The following ADCY7 variants were observed in gnomAD, a reference collection of about 807,000 sequenced individuals.
The protein encoded by ADCY7 is adenylate cyclase type 7.
In ADCY7, 72 loss-of-function variants were observed where a neutral mutation model predicts 120.6. The observed-to-expected ratio is 0.60, with a 90% CI of 0.49 to 0.73. ADCY7 has a LOEUF of 0.73. Among genes scored for constraint, ADCY7 ranks in the 30% least tolerant of loss-of-function variants. ADCY7 has a pLI of 0.00. For synonymous variants in ADCY7, 661 were observed against 628.0 expected (o/e 1.05, Z -0.78); for missense variants, 1,227 against 1,486.0 (o/e 0.83, Z 2.87).
intron 1 of ADCY7, among the ~76,000 whole-genome samples, chr16:50,287,643 G>C (rs1026507257): frequency 1.3e-5 from 2 of 148,198 alleles, no homozygotes; most frequent in African/African-American, 5.0e-5. Flanking sequence ...TCGTGCCACT[G>C]CACTCCAGCC....
At chr16:50,299,142 G>T in intron 8 of ADCY7, 111 bp downstream of exon 8, 1 of 1,391,190 alleles carries the variant, frequency 7.2e-7, no homozygotes, top group East Asian at 2.6e-5. Context: ...GAGGCTCGGG[G>T]GGTTGGGGGT....
At chr16:50,292,417 C>A (rs2035045578) in intron 4 of ADCY7, among the ~76,000 whole-genome samples, 2 of 152,236 alleles carry the variant, frequency 1.3e-5, no homozygotes, top group South Asian at 4.1e-4. Context: ...AGCACGCATG[C>A]CCCTCGGGCC....
At chr16:50,311,553 C>A in intron 19 of ADCY7, 140 bp from the exon 20 acceptor site, 1 of 704,234 alleles carries the variant, frequency 1.4e-6, no homozygotes, top group South Asian at 1.6e-5. Flanking sequence ...TATAATACCC[C>A]AAAGTTGTCT....
intron 24 of ADCY7, 75 bp downstream of exon 24, chr16:50,314,481 G>A (rs1238233735): frequency 1.9e-6 from 2 of 1,073,110 alleles, no homozygotes; most frequent in Non-Finnish European, 1.4e-6. Context: ...TGGCACAGCT[G>A]CACCTCGCCA....
chr16:50,310,740 G>T lies in ADCY7; in HGVS notation c.2214G>T (p.Arg738Ser), dbSNP rs1237561967. 1 of 1,614,162 alleles carries T rather than the reference G, an allele frequency of 6.2e-7. No homozygotes were observed. Among genetic ancestry groups the T allele is most frequent in the Non-Finnish European group, 8.5e-7 (1 of 1,180,018 alleles). ...LGFIACSVFL[R>S]MSLEPKVVLL... ...TCATCGCCTGCTCGGTCTTCCTGAG[G>T]ATGAGCCTGGAGCCAAAGGTTGTGC... is the stretch of plus-strand genomic sequence containing the variant. Residue 738 changes from arginine to serine, a missense_variant, in exon 19 of 26, where the codon AGG (arginine) becomes AGT (serine). This residue lies in a region of ADCY7 where 267 missense variants were observed against 270.0 expected (regional missense o/e 0.99). Coordinates refer to ENST00000673801, the MANE Select transcript of ADCY7 (RefSeq NM_001114.5).
chr16:50,281,808 AGGT>A (rs2034284002), intron 1 of ADCY7, among the ~76,000 whole-genome samples: 1 of 152,162 alleles, frequency 6.6e-6, no homozygotes, highest in African/African-American at 2.4e-5. Flanking sequence ...GGGGCCTCTT[AGGT>A]CAGGCTTGCA....
chr16:50,313,333 T>C (rs1482242204), intron 22 of ADCY7: 1 of 299,430 alleles, frequency 3.3e-6, no homozygotes, highest in Non-Finnish European at 6.5e-6. Context: ...GGCAGGAGAA[T>C]CGCTTGAACC....
chr16:50,262,793 C>T (rs2033094415), upstream of ADCY7, among the ~76,000 whole-genome samples: 2 of 152,192 alleles, frequency 1.3e-5, no homozygotes, highest in Non-Finnish European at 2.9e-5. Context: ...TGGGGTTGTG[C>T]TGTGTGCCCT....
At chr16:50,311,254 T>G (rs1372195449) in intron 19 of ADCY7, among the ~76,000 whole-genome samples, 1 of 152,182 alleles carries the variant, frequency 6.6e-6, no homozygotes, top group Non-Finnish European at 1.5e-5. Flanking sequence ...TGTGTGGTTC[T>G]AGGGGTTCTG....
At chr16:50,310,958 TTC>T (rs1187909737) in intron 19 of ADCY7, 78 bp downstream of exon 19, 1 of 1,420,148 alleles carries the variant, frequency 7.0e-7, no homozygotes, top group African/African-American at 1.4e-5. Context: ...ACCAAGGGGC[TTC>T]TGTGTTCATG....
chr16:50,300,308 G>C (rs760330992), intron 8 of ADCY7, among the ~76,000 whole-genome samples: 1 of 152,144 alleles, frequency 6.6e-6, no homozygotes, highest in Non-Finnish European at 1.5e-5. Context: ...CTGACCTCAG[G>C]TGATCTGCCT....
intron 8 of ADCY7, 43 bp from the exon 9 acceptor site, chr16:50,300,672 A>T (rs910738555): frequency 5.1e-5 from 79 of 1,547,306 alleles, no homozygotes; most frequent in Non-Finnish European, 6.7e-5. Context: ...AGCCTGTCCC[A>T]GGGCTTAGGC....
rs2035134540 is a variant in ADCY7, at chr16:50,293,502, G to A, written c.836G>A (p.Ser279Asn). 1 of 1,613,722 alleles carries A rather than the reference G, an allele frequency of 6.2e-7. No homozygotes were observed. Among genetic ancestry groups the A allele is most frequent in the Non-Finnish European group, 8.5e-7 (1 of 1,179,980 alleles). Residue 279 changes from serine to asparagine, a missense_variant and splice_region_variant, in exon 6 of 26, where the codon AGC (serine) becomes AAC (asparagine). Physicochemically the swap from Ser to Asn is conservative, Grantham distance 46. Coordinates refer to ENST00000673801, the MANE Select transcript of ADCY7 (RefSeq NM_001114.5). ...SLYVKRHQNV[S>N]ILYADIVGFT... ...TACGTCAAGAGGCACCAGAATGTCAGGTGGGCGGTGAGACGTGTGATTAGC... is the reference window on the plus strand; with the variant it reads ...TACGTCAAGAGGCACCAGAATGTCAAGTGGGCGGTGAGACGTGTGATTAGC...
intron 10 of ADCY7, among the ~76,000 whole-genome samples, chr16:50,302,469 A>G (rs192358926): frequency 1.2e-4 from 19 of 152,240 alleles, no homozygotes; most frequent in African/African-American, 4.1e-4. Context: ...GCCGACTTGA[A>G]TTTCAGATAA....
At chr16:50,262,280 C>T (rs2033079335), upstream of ADCY7, among the ~76,000 whole-genome samples, 4 of 148,280 alleles carry the variant, frequency 2.7e-5, no homozygotes, top group South Asian at 8.5e-4. Flanking sequence ...TTTTTTGAGA[C>T]AGGGTCTCAC....
At chr16:50,248,065 T>C (rs958666082) in intron 1 of ADCY7, among the ~76,000 whole-genome samples, 1 of 152,080 alleles carries the variant, frequency 6.6e-6, no homozygotes, top group Non-Finnish European at 1.5e-5. Flanking sequence ...GCGGAGGTCC[T>C]CACAGGTCTG....
intron 13 of ADCY7, 73 bp downstream of exon 13, chr16:50,305,659 C>T (rs1596967932): frequency 6.6e-7 from 1 of 1,511,854 alleles, no homozygotes; most frequent in Non-Finnish European, 9.2e-7. Flanking sequence ...TGGGCAGGCC[C>T]ATCTCATACC....
chr16:50,292,029 G>C, intron 4 of ADCY7, 132 bp downstream of exon 4: 7 of 1,052,582 alleles, frequency 6.7e-6, no homozygotes, highest in Non-Finnish European at 9.4e-6. Context: ...CTCCAAGGCC[G>C]GGCCCTCTCC....
intron 14 of ADCY7, 124 bp downstream of exon 14, chr16:50,305,973 T>G: frequency 2.3e-6 from 2 of 877,878 alleles, no homozygotes; most frequent in Non-Finnish European, 3.7e-6. Flanking sequence ...GCACTGAGAA[T>G]CCACAGCTGC....
Sources: gnomAD v4.1 joint callset for allele counts (sites outside exome capture counted in the v4.1 genomes callset) on GRCh38, gnomAD v4.1.1 for gene constraint, gnomAD v4.1.1 regional missense constraint, MANE v1.5 for transcripts, NCBI Gene and HGNC (gene_info 2026-07-23, HGNC 2026-07-21) for gene names.